GCNT2: variants seen among roughly 807,000 people sequenced by gnomAD.
The protein encoded by GCNT2 is N-acetyllactosaminide beta-1,6-N-acetylglucosaminyl-transferase.
A neutral mutation model predicts 34.2 loss-of-function variants in GCNT2; 34 were observed. The ratio of observed to expected loss-of-function variants is 1.00; its 90% CI spans 0.76 to 1.32. GCNT2 has a LOEUF of 1.32. Ranked by LOEUF, GCNT2 falls within the 40% of genes most tolerant of loss-of-function variation. The pLI is 0.00. For synonymous variants in GCNT2, 212 were observed against 188.0 expected (o/e 1.13, Z -1.04); for missense variants, 584 against 489.4 (o/e 1.19, Z -1.82).
At chr6:10,536,857 C>T (rs1761784653) in intron 3 of GCNT2, among the ~76,000 whole-genome samples, 1 of 151,966 alleles carries the variant, frequency 6.6e-6, no homozygotes, top group Non-Finnish European at 1.5e-5. Flanking sequence ...CCTCTGCTTC[C>T]CGGGTTCAGG....
chr6:10,617,369 C>A (rs528048481), intron 3 of GCNT2, among the ~76,000 whole-genome samples: 1 of 152,214 alleles, frequency 6.6e-6, no homozygotes, highest in Admixed American at 6.5e-5. Context: ...AAGCGCTGCG[C>A]GCAGCCCTGG....
intron 3 of GCNT2, chr6:10,556,169 G>A (rs1207036385): frequency 7.3e-7 from 1 of 1,369,086 alleles, no homozygotes; most frequent in East Asian, 2.9e-5. Flanking sequence ...AGGAGGGAAG[G>A]CTGGGCTTCA....
At chr6:10,563,917 C>T (rs981855604) in intron 3 of GCNT2, among the ~76,000 whole-genome samples, 1 of 150,760 alleles carries the variant, frequency 6.6e-6, no homozygotes, top group East Asian at 2.0e-4. Flanking sequence ...TAAATTGAAC[C>T]CAGTTTAATG....
At chr6:10,555,743 G>A (rs1762669154) in intron 3 of GCNT2, 2 of 985,268 alleles carry the variant, frequency 2.0e-6, no homozygotes, top group African/African-American at 3.5e-5. Context: ...AAAAACAGTG[G>A]GGTGGGGCCA....
intron 3 of GCNT2, among the ~76,000 whole-genome samples, chr6:10,589,474 C>G (rs1764543192): frequency 6.6e-6 from 1 of 151,904 alleles, no homozygotes; most frequent in East Asian, 1.9e-4. Flanking sequence ...GTCAGGGTCA[C>G]TGTGCTCATG....
At chr6:10,584,205 CAT>C (rs1432398501) in intron 3 of GCNT2, among the ~76,000 whole-genome samples, 5 of 152,082 alleles carry the variant, frequency 3.3e-5, no homozygotes, top group South Asian at 2.1e-4. Flanking sequence ...AGCAGAAAAA[CAT>C]GTGAGTAAAG....
chr6:10,622,775 T>C (rs12215848), intron 4 of GCNT2, among the ~76,000 whole-genome samples: 2 of 122,620 alleles, frequency 1.6e-5, no homozygotes, highest in African/African-American at 5.9e-5. Flanking sequence ...TTTTTTGAGA[T>C]GGATTCTCGC....
At chr6:10,586,290 A>G (rs776843926) in intron 3 of GCNT2, 2 of 1,614,160 alleles carry the variant, frequency 1.2e-6, no homozygotes, top group Middle Eastern at 1.6e-4. Context: ...GGCCTATGTC[A>G]TGGTCATCCA....
chr6:10,565,783 C>T (rs1035482163), intron 3 of GCNT2, among the ~76,000 whole-genome samples: 3 of 152,246 alleles, frequency 2.0e-5, no homozygotes, highest in East Asian at 3.9e-4. Flanking sequence ...CTTCTGGCGC[C>T]GTCGTCTACC....
intron 3 of GCNT2, among the ~76,000 whole-genome samples, chr6:10,605,754 T>C (rs937805835): frequency 6.6e-6 from 1 of 152,168 alleles, no homozygotes; most frequent in African/African-American, 2.4e-5. Context: ...TTGCACCTGC[T>C]ATCTACTTTG....
chr6:10,549,411 C>A (rs1762392811), intron 3 of GCNT2, among the ~76,000 whole-genome samples: 1 of 152,054 alleles, frequency 6.6e-6, no homozygotes, highest in African/African-American at 2.4e-5. Flanking sequence ...TAGGTATGCT[C>A]AACTTTAGTA....
In GCNT2 at chr6:10,529,132, G is replaced by C. The variant is rs371605383; in HGVS notation, c.221G>C (p.Cys74Ser). Reference sequence around the variant, plus strand: ...AAAACTACCCTTGATGAAGCTACCTGCTATGAGTACATGGTTCGAAGCCAC... The same window carrying C: ...AAAACTACCCTTGATGAAGCTACCTCCTATGAGTACATGGTTCGAAGCCAC... ...ALKTTLDEAT[C>S]YEYMVRSHYV... Residue 74 changes from cysteine to serine, a missense_variant, in exon 3 of 5, where the codon TGC becomes TCC. Physicochemically the swap from Cys to Ser is moderately radical, Grantham distance 112. Transcript: ENST00000495262. 4.3e-6 allele frequency: 7 copies of C among 1,613,956 alleles called. No homozygotes were observed. The African/African-American group carries it at 6.7e-5, about 15-fold the overall frequency.
intron 3 of GCNT2, among the ~76,000 whole-genome samples, chr6:10,614,691 GTAGAGATTAT>G (rs143250593): frequency 0.035 from 5,318 of 151,490 alleles, 137 homozygotes; most frequent in Non-Finnish European, 0.055. Context: ...GTACTGAGAA[GTAGAGATTAT>G]TACACCTTAA....
chr6:10,582,139 GAT>G (rs1248679466), intron 3 of GCNT2, among the ~76,000 whole-genome samples: 6 of 132,242 alleles, frequency 4.5e-5, no homozygotes, highest in African/African-American at 8.7e-5. Context: ...ATGCATATAT[GAT>G]ATATTCATAT....
chr6:10,536,761 T>G (rs1265224934), intron 3 of GCNT2, among the ~76,000 whole-genome samples: 1 of 146,680 alleles, frequency 6.8e-6, no homozygotes, highest in Non-Finnish European at 1.5e-5. Context: ...TGGAGTACAG[T>G]GGCGCAATCT....
intron 3 of GCNT2, among the ~76,000 whole-genome samples, chr6:10,579,090 A>G (rs1046952439): frequency 2.0e-5 from 3 of 152,128 alleles, no homozygotes; most frequent in Non-Finnish European, 2.9e-5. Context: ...GTGTGTTTCT[A>G]TATGTTCATT....
intron 3 of GCNT2, among the ~76,000 whole-genome samples, chr6:10,603,817 CTTTTTTTTTTT>C (rs571206713): frequency 8.7e-6 from 1 of 114,744 alleles, no homozygotes. Context: ...GCCTGACAGT[CTTTTTTTTTTT>C]TTTTTTTTTT....
At chr6:10,550,567 C>T (rs1442556966) in intron 3 of GCNT2, among the ~76,000 whole-genome samples, 1 of 152,036 alleles carries the variant, frequency 6.6e-6, no homozygotes, top group African/African-American at 2.4e-5. Flanking sequence ...CATGGCTTAC[C>T]GCAGCCTTAA....
At chr6:10,577,304 T>C (rs554541) in intron 3 of GCNT2, among the ~76,000 whole-genome samples, 3,299 of 152,268 alleles carry the variant, frequency 0.022, 104 homozygotes, top group African/African-American at 0.073. Flanking sequence ...CTCCCGCGGC[T>C]CCTGGAGTTG....
Sources: gnomAD v4.1 joint callset for allele counts (sites outside exome capture counted in the v4.1 genomes callset) on GRCh38, gnomAD v4.1.1 for gene constraint, MANE v1.5 for transcripts, NCBI Gene and HGNC (gene_info 2026-07-23, HGNC 2026-07-21) for gene names.